Variants in CACNG7 observed in about 807,000 individuals in gnomAD.
The protein encoded by CACNG7 is calcium voltage-gated channel auxiliary subunit gamma 7, also known as voltage-dependent calcium channel gamma-7 subunit.
In CACNG7, 9 loss-of-function variants were observed where a neutral mutation model predicts 26.3. That is an observed-to-expected ratio of 0.34 (90% CI 0.21 to 0.60). The LOEUF (loss-of-function observed/expected upper bound fraction) is 0.60. CACNG7 is among the 20% of genes least tolerant of loss of function. CACNG7 has a pLI of 0.81. For missense variants in CACNG7, 297 were observed against 380.4 expected (o/e 0.78, Z 1.82); for synonymous variants, 170 against 157.0 (o/e 1.08, Z -0.62).
chr19:53,936,576 G>A (rs749063297), intron 4 of CACNG7, among the ~76,000 whole-genome samples: 11 of 152,004 alleles, frequency 7.2e-5, no homozygotes, highest in Admixed American at 2.0e-4. Flanking sequence ...GTATCAGTGT[G>A]GACTCATGTA....
intron 1 of CACNG7, among the ~76,000 whole-genome samples, chr19:53,911,653 TG>T (rs2068863230): frequency 6.6e-6 from 1 of 152,052 alleles, no homozygotes; most frequent in African/African-American, 2.4e-5. Context: ...ATCGGCTACC[TG>T]GGATGGAGGC....
At chr19:53,915,020 AT>A (rs57841894) in intron 3 of CACNG7, among the ~76,000 whole-genome samples, 23,687 of 147,788 alleles carry the variant, frequency 0.16, 2,151 homozygotes, top group South Asian at 0.21. Flanking sequence ...AAAAAAATAA[AT>A]AAAAGGAAGG....
chr19:53,940,256 A>G lies in CACNG7; in HGVS notation c.425-1214A>G, dbSNP rs111980334. 6.6e-6 allele frequency among the ~76,000 whole-genome samples: 1 copy of G among 152,184 alleles called. No individual in the cohort carries two copies. The highest frequency in any genetic ancestry group is 2.4e-5 in the African/African-American group (1 of 41,442). ...ACTGTCCGTATGCTCTATTTCCTCA[A>G]TTGTAAATGGTGTTAAAAATGTACC... is the stretch of plus-strand genomic sequence containing the variant. On this transcript the variant is annotated intron_variant, in intron 4 of 5. Coordinates refer to ENST00000391767, the MANE Select transcript of CACNG7 (RefSeq NM_031896.5). The surrounding 1 kb of genome is among the most constrained non-coding windows in gnomAD (Gnocchi z 4.1).
At chr19:53,921,319 TCTGGTCATTGGTGGACTTGCCCCAGG>T (rs1568774215) in intron 4 of CACNG7, among the ~76,000 whole-genome samples, 170 of 114,812 alleles carry the variant, frequency 1.5e-3, no homozygotes, top group Admixed American at 3.1e-3. Flanking sequence ...TTGCCCCAGG[TCTGGTCATTGGTGGACTTGCCCCAGG>T]CTGGTCATTG....
chr19:53,923,514 T>C (rs2068985659), intron 4 of CACNG7, among the ~76,000 whole-genome samples: 1 of 105,938 alleles, frequency 9.4e-6, no homozygotes, highest in African/African-American at 3.7e-5. Flanking sequence ...TGGTCATTGG[T>C]GGAGTTGCCC....
At position 53,912,442 on chromosome 19, in the gene CACNG7, T is replaced by C. The variant is rs1394427900; in HGVS notation, c.-29-361T>C. Among the ~76,000 whole-genome samples, 1 of 152,186 alleles carries C rather than the reference T, an allele frequency of 6.6e-6. No homozygotes were observed. Among genetic ancestry groups the C allele is most frequent in the Non-Finnish European group, 1.5e-5 (1 of 68,032 alleles). The stretch of plus-strand genomic sequence containing the variant: ...GGGTTAAGAAGCTCAAATTAGAATT[T>C]CTGCTCGGAGTCACAGTATTTGGGA... On this transcript the variant is annotated intron_variant, in intron 1 of 5. Transcript: ENST00000391767. This position sits in a 1 kb window ranked among gnomAD's most constrained non-coding sequence, Gnocchi z 4.6.
rs1487799950 is a variant in CACNG7, at chr19:53,915,521, T to C, written c.424+16T>C. The C allele has an allele frequency of 6.2e-7, 1 of 1,613,058 alleles. No individual in the cohort carries two copies. ...ATACTATCGGGTGAGCCTAAGGACT[T>C]GGGGGTTGGGGGGGACCATTTCCAG... On this transcript the variant is annotated intron_variant, in intron 4 of 5. Coordinates refer to ENST00000391767, the MANE Select transcript of CACNG7 (RefSeq NM_031896.5).
chr19:53,938,963 CAAAACA>C (rs2069121688), intron 4 of CACNG7, among the ~76,000 whole-genome samples: 1 of 147,480 alleles, frequency 6.8e-6, no homozygotes, highest in Non-Finnish European at 1.5e-5. Context: ...CAAAACAAAA[CAAAACA>C]AAAAAGGCCG....
intron 4 of CACNG7, among the ~76,000 whole-genome samples, chr19:53,933,042 G>A (rs958234364): frequency 5.3e-5 from 8 of 151,874 alleles, no homozygotes; most frequent in African/African-American, 1.9e-4. Flanking sequence ...CTGACCTCAG[G>A]TGATCCGCCC....
intron 4 of CACNG7, among the ~76,000 whole-genome samples, chr19:53,925,921 G>A (rs1242263381): frequency 6.6e-6 from 1 of 152,194 alleles, no homozygotes; most frequent in African/African-American, 2.4e-5. Context: ...TGGTAGAAGT[G>A]GGAGGAAGCT....
intron 4 of CACNG7, among the ~76,000 whole-genome samples, chr19:53,926,779 G>A (rs957183094): frequency 1.3e-5 from 2 of 151,966 alleles, no homozygotes; most frequent in African/African-American, 2.4e-5. Flanking sequence ...TGGGCATGGT[G>A]GTGGGCCCCT....
At chr19:53,928,592 A>C (rs2069049811) in intron 4 of CACNG7, among the ~76,000 whole-genome samples, 1 of 151,996 alleles carries the variant, frequency 6.6e-6, no homozygotes, top group Non-Finnish European at 1.5e-5. Context: ...TGTTATTTAG[A>C]GCTGTAATGT....
At chr19:53,910,811 T>C (rs2068857467) in intron 1 of CACNG7, among the ~76,000 whole-genome samples, 1 of 152,146 alleles carries the variant, frequency 6.6e-6, no homozygotes, top group African/African-American at 2.4e-5. Context: ...GTTTGGAGTC[T>C]AATGTTATGA....
chr19:53,921,951 G>C (rs542993150), intron 4 of CACNG7, among the ~76,000 whole-genome samples: 3 of 99,688 alleles, frequency 3.0e-5, no homozygotes, highest in African/African-American at 5.2e-5. Context: ...GTCATTGGTG[G>C]AGTTGCCCCA....
intron 4 of CACNG7, among the ~76,000 whole-genome samples, chr19:53,927,612 C>G (rs1194958716): frequency 6.6e-6 from 1 of 152,024 alleles, no homozygotes; most frequent in Admixed American, 6.6e-5. Flanking sequence ...CCGAGGCAGG[C>G]AGGTCACCTG....
chr19:53,927,195 C>G (rs575066112), intron 4 of CACNG7, among the ~76,000 whole-genome samples: 3 of 152,224 alleles, frequency 2.0e-5, no homozygotes, highest in East Asian at 3.9e-4. Context: ...TCCGGGATTA[C>G]AGGCGTGAGC....
intron 4 of CACNG7, among the ~76,000 whole-genome samples, chr19:53,918,808 G>A (rs2068915158): frequency 6.6e-6 from 1 of 151,880 alleles, no homozygotes; most frequent in Non-Finnish European, 1.5e-5. Context: ...CGCTCTCGTC[G>A]CCCAGGCTGG....
chr19:53,936,810 T>C (rs1406297492), intron 4 of CACNG7, among the ~76,000 whole-genome samples: 2 of 152,214 alleles, frequency 1.3e-5, no homozygotes, highest in Non-Finnish European at 2.9e-5. Context: ...GGTTTCACCA[T>C]GTTGGCCAGG....
Position 53,942,460 on chromosome 19 carries a change from C to T in CACNG7, c.*167C>T, listed in dbSNP as rs146929758. ...TCCCAATGGCTCCGCCCACAGACTC[C>T]CTTATTTCAATGGCCGCGCCCTCTT... On this transcript the variant is annotated 3_prime_UTR_variant, in exon 6 of 6. Coordinates refer to ENST00000391767, the MANE Select transcript of CACNG7 (RefSeq NM_031896.5). This position sits in a 1 kb window ranked among gnomAD's most constrained non-coding sequence, Gnocchi z 5.9. 14 of 1,465,046 alleles carry T rather than the reference C, an allele frequency of 9.6e-6. 1 individual carries two copies. In the East Asian group the frequency reaches 2.9e-4, roughly 30 times the overall value. 90.8% of individuals were successfully genotyped at this position (1,465,046 alleles called of 1,614,324 possible).
Sources: gnomAD v4.1 joint callset for allele counts (sites outside exome capture counted in the v4.1 genomes callset) on GRCh38, gnomAD v4.1.1 for gene constraint, Gnocchi (gnomAD v3.1) non-coding constraint, MANE v1.5 for transcripts, NCBI Gene and HGNC (gene_info 2026-07-23, HGNC 2026-07-21) for gene names.